SLC16A7: variants seen among roughly 807,000 people sequenced by gnomAD.
The protein encoded by SLC16A7 is solute carrier family 16 member 7, also known as monocarboxylate transporter 2.
In SLC16A7, 33 loss-of-function variants were observed where a neutral mutation model predicts 34.9. That is an observed-to-expected ratio of 0.94 (90% CI 0.72 to 1.26). SLC16A7 has a LOEUF of 1.26. Ranked by LOEUF, SLC16A7 falls within the 50% of genes most tolerant of loss-of-function variation. SLC16A7 has a pLI of 0.00. For synonymous variants in SLC16A7, 201 were observed against 206.6 expected (o/e 0.97, Z 0.23); for missense variants, 573 against 578.1 (o/e 0.99, Z 0.09).
intron 2 of SLC16A7, among the ~76,000 whole-genome samples, chr12:59,683,127 C>A (rs1021662141): frequency 6.6e-6 from 1 of 151,964 alleles, no homozygotes; most frequent in Non-Finnish European, 1.5e-5. Context: ...ATAAATATAA[C>A]ATTTAACAGA....
chr12:59,735,412 G>T (rs1326753370), intron 3 of SLC16A7, among the ~76,000 whole-genome samples: 1 of 152,100 alleles, frequency 6.6e-6, no homozygotes, highest in Admixed American at 6.6e-5. Context: ...ACAAATGATG[G>T]GGAGCCTGTG....
chr12:59,729,699 A>G (rs1876710072), intron 3 of SLC16A7, among the ~76,000 whole-genome samples: 2 of 152,184 alleles, frequency 1.3e-5, no homozygotes, highest in Admixed American at 6.5e-5. Flanking sequence ...TCATGTAAAC[A>G]TAATAGTTTC....
rs142679794 is a variant in SLC16A7, at chr12:59,606,712, A to G, written c.-130+10476A>G. Among the ~76,000 whole-genome samples, 3 of 152,332 alleles carry G rather than the reference A, an allele frequency of 2.0e-5. No homozygotes were observed. In the East Asian group the frequency reaches 5.8e-4, roughly 29 times the overall value. On this transcript the variant is annotated intron_variant, in intron 1 of 5. Coordinates refer to ENST00000547379, the MANE Select transcript of SLC16A7 (RefSeq NM_001270623.2). Reference sequence around the variant, plus strand: ...TTAAATCAATTCAAATCAGTAAATAATTAAGCATTGCTATATGAAGTACTC... The same window carrying G: ...TTAAATCAATTCAAATCAGTAAATAGTTAAGCATTGCTATATGAAGTACTC...
chr12:59,772,792 CATAA>C (rs1882361528), intron 4 of SLC16A7, among the ~76,000 whole-genome samples: 1 of 152,008 alleles, frequency 6.6e-6, no homozygotes, highest in African/African-American at 2.4e-5. Flanking sequence ...TTTTGATGAT[CATAA>C]ATAAATATTT....
chr12:59,660,903 C>T (rs1371231083), intron 2 of SLC16A7, among the ~76,000 whole-genome samples: 1 of 151,988 alleles, frequency 6.6e-6, no homozygotes, highest in Non-Finnish European at 1.5e-5. Context: ...ATGACTAATG[C>T]CTTTGTAGTG....
At chr12:59,717,335 C>G (rs538266414) in intron 3 of SLC16A7, among the ~76,000 whole-genome samples, 110 of 152,194 alleles carry the variant, frequency 7.2e-4, no homozygotes, top group Non-Finnish European at 1.3e-3. Flanking sequence ...TTCCAAATGC[C>G]TCTTGGGCGC....
At chr12:59,712,186 C>G (rs1204720389) in intron 3 of SLC16A7, among the ~76,000 whole-genome samples, 1 of 152,204 alleles carries the variant, frequency 6.6e-6, no homozygotes, top group Non-Finnish European at 1.5e-5. Context: ...GCAGTTGTTG[C>G]TGCTGTTGTT....
At chr12:59,619,996 A>T (rs1161680985) in intron 1 of SLC16A7, among the ~76,000 whole-genome samples, 1 of 151,996 alleles carries the variant, frequency 6.6e-6, no homozygotes. Flanking sequence ...ATGGTGTTTG[A>T]GACTAGACAT....
intron 2 of SLC16A7, among the ~76,000 whole-genome samples, chr12:59,681,125 C>A (rs965399857): frequency 7.2e-5 from 11 of 152,212 alleles, no homozygotes; most frequent in African/African-American, 2.7e-4. Flanking sequence ...CCATGCCACA[C>A]CTGACCATCC....
chr12:59,623,038 A>G (rs1478357504), intron 1 of SLC16A7, among the ~76,000 whole-genome samples: 2 of 140,956 alleles, frequency 1.4e-5, no homozygotes, highest in African/African-American at 2.7e-5. Context: ...GCATTTCCCT[A>G]CTGAATGCTG....
In SLC16A7 at chr12:59,783,405, A is replaced by G. The variant is rs1484690298; in HGVS notation, c.*3726A>G. ...CAAGCTCAGCAGACTACCCAAAGTT[A>G]AAAGGTAGTATGAACCAAAATTAAA... is the stretch of plus-strand genomic sequence containing the variant. On this transcript the variant is annotated 3_prime_UTR_variant, in exon 6 of 6. Transcript: ENST00000547379. 6.6e-6 allele frequency: 1 copy of G among 152,166 alleles called. No homozygotes were observed. Among genetic ancestry groups the G allele is most frequent in the Non-Finnish European group, 1.5e-5 (1 of 68,028 alleles). 9.4% of individuals were successfully genotyped at this position (152,166 alleles called of 1,614,324 possible). A position where few individuals can be genotyped will look rare whatever the true frequency, so the allele number is the denominator to read the frequency against.
chr12:59,614,824 TAA>T (rs71448588), intron 1 of SLC16A7, among the ~76,000 whole-genome samples: 49 of 35,756 alleles, frequency 1.4e-3, no homozygotes, highest in African/African-American at 5.2e-3. Context: ...CCATTCCTAC[TAA>T]AAAAAAAAAA....
intron 1 of SLC16A7, among the ~76,000 whole-genome samples, chr12:59,624,656 G>A (rs182256332): frequency 2.6e-5 from 4 of 151,552 alleles, no homozygotes; most frequent in Non-Finnish European, 4.4e-5. Context: ...ATAACTATTG[G>A]TCATTAATCT....
At chr12:59,749,703 A>C (rs1259387095) in intron 3 of SLC16A7, among the ~76,000 whole-genome samples, 1 of 152,214 alleles carries the variant, frequency 6.6e-6, no homozygotes, top group Non-Finnish European at 1.5e-5. Flanking sequence ...TGAAGCAATA[A>C]ATTTCTGCTA....
At chr12:59,708,682 G>A (rs566791371) in intron 3 of SLC16A7, among the ~76,000 whole-genome samples, 1 of 152,024 alleles carries the variant, frequency 6.6e-6, no homozygotes, top group South Asian at 2.1e-4. Context: ...ACTACTGTGG[G>A]GTCACTGAGT....
At chr12:59,706,267 C>A (rs1394028702) in intron 3 of SLC16A7, among the ~76,000 whole-genome samples, 1 of 152,086 alleles carries the variant, frequency 6.6e-6, no homozygotes, top group Non-Finnish European at 1.5e-5. Flanking sequence ...ACCACCTCCA[C>A]CAATGTCATT....
chr12:59,742,406 C>T (rs1158583723), intron 3 of SLC16A7, among the ~76,000 whole-genome samples: 1 of 152,156 alleles, frequency 6.6e-6, no homozygotes, highest in Non-Finnish European at 1.5e-5. Flanking sequence ...TGTCAAACCA[C>T]CACCTAATAT....
chr12:59,738,058 G>A (rs1877807086), intron 3 of SLC16A7, among the ~76,000 whole-genome samples: 1 of 151,974 alleles, frequency 6.6e-6, no homozygotes, highest in Admixed American at 6.6e-5. Flanking sequence ...AGATCTCTAG[G>A]CTATGCATTC....
At chr12:59,776,967 G>C (rs1312530682) in intron 5 of SLC16A7, among the ~76,000 whole-genome samples, 2 of 152,030 alleles carry the variant, frequency 1.3e-5, no homozygotes, top group Non-Finnish European at 2.9e-5. Context: ...CTGAGTTTTA[G>C]AGCCTATTCT....
Sources: allele counts gnomAD v4.1 joint callset (sites outside exome capture counted in the v4.1 genomes callset), GRCh38; gene constraint gnomAD v4.1.1; transcripts MANE v1.5; gene names NCBI Gene and HGNC (gene_info 2026-07-23, HGNC 2026-07-21).